SASS6: variants seen among roughly 807,000 people sequenced by gnomAD.
The protein encoded by SASS6 is spindle assembly abnormal protein 6 homolog.
Under a neutral mutation model 94.9 loss-of-function variants are expected in SASS6, and 59 were observed. The ratio of observed to expected loss-of-function variants is 0.62; its 90% CI spans 0.50 to 0.77. The LOEUF (loss-of-function observed/expected upper bound fraction) is 0.77, where lower values mean the gene tolerates loss of function less well. Ranked by LOEUF, SASS6 falls within the 30% of genes least tolerant of loss-of-function variation. The pLI, the probability that SASS6 is intolerant of heterozygous loss-of-function variation, is 0.00. For missense variants in SASS6, 698 were observed against 734.1 expected (o/e 0.95, Z 0.57); for synonymous variants, 264 against 270.0 (o/e 0.98, Z 0.22).
chr1:100,104,612 A>G (rs1044635747), intron 13 of SASS6, among the ~76,000 whole-genome samples: 1 of 151,780 alleles, frequency 6.6e-6, no homozygotes, highest in African/African-American at 2.4e-5. Context: ...GGCATGCACC[A>G]TTGCACCCAA....
intron 14 of SASS6, among the ~76,000 whole-genome samples, chr1:100,090,397 A>C (rs1259183691): frequency 2.0e-5 from 3 of 152,188 alleles, no homozygotes; most frequent in African/African-American, 7.2e-5. Context: ...TATAATATTA[A>C]TATCAAGGTA....
At chr1:100,110,199 A>G in intron 8 of SASS6, 93 bp downstream of exon 8, 1 of 662,646 alleles carries the variant, frequency 1.5e-6, no homozygotes, top group Non-Finnish European at 2.5e-6. Flanking sequence ...AAGAGCATCC[A>G]GAGGAACACC....
intron 14 of SASS6, chr1:100,099,092 A>G (rs1182329700): frequency 6.6e-6 from 1 of 152,232 alleles, no homozygotes; most frequent in Non-Finnish European, 1.5e-5. Flanking sequence ...TAAATGAAAA[A>G]TTAATTTAAA....
intron 14 of SASS6, among the ~76,000 whole-genome samples, chr1:100,093,579 G>T (rs571180121): frequency 6.6e-6 from 1 of 151,932 alleles, no homozygotes; most frequent in East Asian, 1.9e-4. Flanking sequence ...TGGGAAACAT[G>T]GCAAAACCCT....
chr1:100,128,908 G>A (rs1220211665), intron 1 of SASS6, among the ~76,000 whole-genome samples: 1 of 152,104 alleles, frequency 6.6e-6, no homozygotes. Context: ...TTTAAGCCAG[G>A]TATTGTGCCA....
intron 3 of SASS6, 25 bp from the exon 4 acceptor site, chr1:100,122,509 T>A (rs749635858): frequency 7.8e-5 from 80 of 1,019,722 alleles, no homozygotes; most frequent in Middle Eastern, 2.3e-4. Flanking sequence ...GGAAAAGAAA[T>A]TTTTTAAAAA....
At chr1:100,100,226 A>G (rs1367548559) in intron 14 of SASS6, among the ~76,000 whole-genome samples, 6 of 152,228 alleles carry the variant, frequency 3.9e-5, no homozygotes, top group Admixed American at 3.9e-4. Context: ...AGATCATGCC[A>G]CTGCACTCTA....
chr1:100,125,946 T>C lies in SASS6; in HGVS notation c.66-4A>G. 1 of 1,481,654 alleles carries C rather than the reference T, an allele frequency of 6.7e-7. No individual in the cohort carries two copies. The highest frequency in any genetic ancestry group is 9.2e-7 in the Non-Finnish European group (1 of 1,082,260). The allele number at this position is 1,481,654 out of a possible 1,614,324, so 91.8% of individuals were successfully genotyped here. A position where few individuals can be genotyped will look rare whatever the true frequency, so the allele number is the denominator to read the frequency against. On this transcript the variant is annotated splice_polypyrimidine_tract_variant and splice_region_variant and intron_variant, in intron 1 of 16. Coordinates refer to ENST00000287482, the MANE Select transcript of SASS6 (RefSeq NM_194292.3). ...GCTCATTCTTATACTTACTCTCCTG[T>C]AGGAAAAGACATACCCAACCATCAG...
At chr1:100,103,619 T>G (rs1237320775) in intron 13 of SASS6, among the ~76,000 whole-genome samples, 1 of 152,174 alleles carries the variant, frequency 6.6e-6, no homozygotes, top group Non-Finnish European at 1.5e-5. Flanking sequence ...TTGAGAAGCA[T>G]TTGTGCACAC....
intron 2 of SASS6, among the ~76,000 whole-genome samples, chr1:100,125,528 A>T (rs982131139): frequency 6.6e-6 from 1 of 151,364 alleles, no homozygotes; most frequent in Non-Finnish European, 1.5e-5. Context: ...AAAATACAAA[A>T]ATTAGCTGGG....
chr1:100,132,038 C>A (rs1388904485), intron 1 of SASS6, among the ~76,000 whole-genome samples: 3 of 152,110 alleles, frequency 2.0e-5, no homozygotes, highest in Non-Finnish European at 4.4e-5. Flanking sequence ...CCCAATAATA[C>A]CACCTCCTTA....
At chr1:100,111,955 G>A (rs1653369509) in intron 7 of SASS6, among the ~76,000 whole-genome samples, 1 of 152,010 alleles carries the variant, frequency 6.6e-6, no homozygotes, top group Non-Finnish European at 1.5e-5. Context: ...TTATTCCAGT[G>A]CTCATCAGAA....
intron 1 of SASS6, among the ~76,000 whole-genome samples, chr1:100,126,500 C>G (rs1654634840): frequency 6.6e-6 from 1 of 152,014 alleles, no homozygotes; most frequent in Admixed American, 6.6e-5. Flanking sequence ...GTATGTGGCC[C>G]GTCGCAGTGG....
chr1:100,101,997 CAT>C (rs1263412855), intron 14 of SASS6, among the ~76,000 whole-genome samples: 1 of 151,958 alleles, frequency 6.6e-6, no homozygotes, highest in Non-Finnish European at 1.5e-5. Flanking sequence ...TTATTTGTCT[CAT>C]TATTTAAGAA....
intron 14 of SASS6, among the ~76,000 whole-genome samples, chr1:100,088,911 C>T (rs1011558734): frequency 2.7e-5 from 4 of 150,154 alleles, no homozygotes; most frequent in Admixed American, 2.0e-4. Flanking sequence ...ACTCACAATG[C>T]TCCACTTATC....
intron 8 of SASS6, among the ~76,000 whole-genome samples, chr1:100,109,796 A>C: frequency 6.6e-6 from 1 of 151,962 alleles, no homozygotes; most frequent in East Asian, 1.9e-4. Flanking sequence ...ACCTTAAATA[A>C]CTGTTGTAAC....
intron 14 of SASS6, among the ~76,000 whole-genome samples, chr1:100,095,008 T>C (rs1011214307): frequency 1.3e-5 from 2 of 149,084 alleles, no homozygotes; most frequent in East Asian, 1.9e-4. Flanking sequence ...TGTTAACTGA[T>C]AAAAGATAAG....
Position 100,110,317 on chromosome 1 carries a change from T to G in SASS6, c.836A>C (p.Lys279Thr), listed in dbSNP as rs756264567. 5 of 1,574,560 alleles carry G rather than the reference T, an allele frequency of 3.2e-6. No individual in the cohort carries two copies. The South Asian group carries it at 6.0e-5, about 19-fold the overall frequency. The part of the protein sequence containing the change: ...YKGDSTIREL[K>T]AKLSGVEEEL... ...CTCTTCAACACCAGAAAGTTTTGCT[T>G]TAAGTTCTCTAATAGTGGAGTCTCC... Residue 279 changes from lysine to threonine, a missense_variant, in exon 8 of 17, where the codon AAA becomes ACA. Coordinates refer to ENST00000287482, the MANE Select transcript of SASS6 (RefSeq NM_194292.3).
intron 4 of SASS6, 127 bp from the exon 5 acceptor site, chr1:100,121,676 G>T: frequency 1.8e-6 from 1 of 567,234 alleles, no homozygotes; most frequent in South Asian, 2.3e-5. Context: ...AATGGTAAAA[G>T]ATAAATTGGG....
Sources: allele counts gnomAD v4.1 joint callset (sites outside exome capture counted in the v4.1 genomes callset), GRCh38; gene constraint gnomAD v4.1.1; transcripts MANE v1.5; gene names NCBI Gene and HGNC (gene_info 2026-07-23, HGNC 2026-07-21).